Variants in EDIL3 observed in about 807,000 individuals in gnomAD.
EDIL3 encodes EGF-like repeat and discoidin I-like domain-containing protein 3.
A neutral mutation model predicts 67.4 loss-of-function variants in EDIL3; 37 were observed. That is an observed-to-expected ratio of 0.55 (90% CI 0.42 to 0.72). The LOEUF is 0.72. Among genes scored for constraint, EDIL3 ranks in the 30% least tolerant of loss-of-function variants. The pLI is 0.00. For synonymous variants in EDIL3, 195 were observed against 196.3 expected (o/e 0.99, Z 0.05); for missense variants, 527 against 586.3 (o/e 0.90, Z 1.04).
chr5:84,129,175 G>A (rs1040889607), intron 5 of EDIL3, among the ~76,000 whole-genome samples: 5 of 152,038 alleles, frequency 3.3e-5, no homozygotes, highest in African/African-American at 1.2e-4. Flanking sequence ...TCCATGTCAG[G>A]CACAAATAAT....
At chr5:84,054,733 C>T (rs1052222299) in intron 9 of EDIL3, among the ~76,000 whole-genome samples, 2 of 151,850 alleles carry the variant, frequency 1.3e-5, no homozygotes, top group African/African-American at 4.8e-5. Flanking sequence ...AACAAAATAC[C>T]TAGGAATCCA....
At chr5:84,290,218 C>T (rs749707733) in intron 1 of EDIL3, among the ~76,000 whole-genome samples, 1 of 152,172 alleles carries the variant, frequency 6.6e-6, no homozygotes. Flanking sequence ...AAAAGCACAA[C>T]CCCCTTGTCT....
intron 1 of EDIL3, among the ~76,000 whole-genome samples, chr5:84,256,221 GTCTA>G (rs1745122496): frequency 6.6e-6 from 1 of 151,728 alleles, no homozygotes; most frequent in African/African-American, 2.4e-5. Context: ...CTATCAATTT[GTCTA>G]TCTGTCCTTC....
chr5:84,075,114 C>T (rs1746825937), intron 6 of EDIL3, among the ~76,000 whole-genome samples: 2 of 151,912 alleles, frequency 1.3e-5, no homozygotes, highest in African/African-American at 4.8e-5. Context: ...AGACCAAACA[C>T]CGCATGTTCT....
chr5:84,028,392 A>G (rs1467522892), intron 9 of EDIL3, among the ~76,000 whole-genome samples: 1 of 152,192 alleles, frequency 6.6e-6, no homozygotes, highest in Non-Finnish European at 1.5e-5. Flanking sequence ...CTTTCAGGAA[A>G]CGTAGTGAGT....
At chr5:84,039,695 G>T (rs1404682269) in intron 9 of EDIL3, among the ~76,000 whole-genome samples, 2 of 152,048 alleles carry the variant, frequency 1.3e-5, no homozygotes, top group Non-Finnish European at 2.9e-5. Flanking sequence ...AACAAGAAAT[G>T]TCTATCAACT....
intron 2 of EDIL3, among the ~76,000 whole-genome samples, chr5:84,238,683 TCAGAATCATTAGGACC>T (rs1744730908): frequency 1.4e-5 from 2 of 144,314 alleles, no homozygotes; most frequent in African/African-American, 2.6e-5. Flanking sequence ...TTTTTTTTTT[TCAGAATCATTAGGACC>T]TTCTTGAAAG....
chr5:84,141,948 CATA>C (rs1748204232), intron 4 of EDIL3, among the ~76,000 whole-genome samples: 1 of 30,280 alleles, frequency 3.3e-5, no homozygotes, highest in African/African-American at 1.2e-4. Context: ...TATATATATA[CATA>C]GATCTATCTA....
intron 5 of EDIL3, among the ~76,000 whole-genome samples, chr5:84,126,645 T>G (rs1204494897): frequency 6.6e-6 from 1 of 152,114 alleles, no homozygotes. Context: ...GCTAACACTA[T>G]GATTGGTTGT....
intron 2 of EDIL3, among the ~76,000 whole-genome samples, chr5:84,245,533 A>T (rs1744891318): frequency 6.6e-6 from 1 of 152,196 alleles, no homozygotes; most frequent in Non-Finnish European, 1.5e-5. Flanking sequence ...TCTAAAGGAA[A>T]TAACAATAGG....
chr5:84,142,539 T>C (rs1580347031), intron 4 of EDIL3, among the ~76,000 whole-genome samples: 1 of 147,880 alleles, frequency 6.8e-6, no homozygotes, highest in South Asian at 2.1e-4. Flanking sequence ...CTCAGGAAAA[T>C]GCCATCTGTC....
chr5:84,172,114 G>A (rs153250), intron 4 of EDIL3, among the ~76,000 whole-genome samples: 56,038 of 151,994 alleles, frequency 0.37, 11,234 homozygotes, highest in East Asian at 0.74. Flanking sequence ...GTCTCACACT[G>A]ACCGGCAAAG....
intron 9 of EDIL3, among the ~76,000 whole-genome samples, chr5:83,976,821 T>C (rs1030472054): frequency 6.6e-6 from 1 of 151,784 alleles, no homozygotes; most frequent in East Asian, 1.9e-4. Flanking sequence ...TTTAGTCTTG[T>C]CATAAAATTT....
At chr5:83,967,500 G>A (rs1744717450) in intron 9 of EDIL3, among the ~76,000 whole-genome samples, 1 of 152,036 alleles carries the variant, frequency 6.6e-6, no homozygotes, top group South Asian at 2.1e-4. Flanking sequence ...GATACTTAAG[G>A]AGAGAGGATT....
At chr5:84,365,194 A>G (rs1747703483) in intron 1 of EDIL3, among the ~76,000 whole-genome samples, 1 of 152,166 alleles carries the variant, frequency 6.6e-6, no homozygotes, top group African/African-American at 2.4e-5. Flanking sequence ...AGGAAGTAGT[A>G]AAGAGTTTTC....
intron 9 of EDIL3, among the ~76,000 whole-genome samples, chr5:84,056,831 T>C (rs757101618): frequency 3.9e-5 from 6 of 152,114 alleles, no homozygotes; most frequent in African/African-American, 7.2e-5. Context: ...GCGTCTGATT[T>C]TATAAATACA....
intron 4 of EDIL3, among the ~76,000 whole-genome samples, chr5:84,143,549 A>G (rs1239135976): frequency 2.0e-5 from 3 of 152,068 alleles, no homozygotes; most frequent in Non-Finnish European, 4.4e-5. Context: ...TGATACTAGT[A>G]CGCAGGCAAT....
chr5:83,983,432 A>T (rs1030027789), intron 9 of EDIL3, among the ~76,000 whole-genome samples: 2 of 152,106 alleles, frequency 1.3e-5, no homozygotes, highest in Non-Finnish European at 2.9e-5. Flanking sequence ...TAGCAAGATC[A>T]ATTTTTCTTC....
At chr5:84,220,331 G>A (rs1744317395) in intron 3 of EDIL3, among the ~76,000 whole-genome samples, 2 of 152,090 alleles carry the variant, frequency 1.3e-5, no homozygotes, top group Non-Finnish European at 2.9e-5. Context: ...TTGAAAATAT[G>A]TTTATACAGA....
Sources: gnomAD v4.1 joint callset for allele counts (sites outside exome capture counted in the v4.1 genomes callset) on GRCh38, gnomAD v4.1.1 for gene constraint, MANE v1.5 for transcripts, NCBI Gene and HGNC (gene_info 2026-07-23, HGNC 2026-07-21) for gene names.